The following VSTM2L variants were observed in gnomAD, a reference collection of about 807,000 sequenced individuals.
The protein encoded by VSTM2L is V-set and transmembrane domain containing 2 like.
In VSTM2L, 9 loss-of-function variants were observed where a neutral mutation model predicts 19.9. The observed-to-expected ratio is 0.45, with a 90% CI of 0.27 to 0.79. VSTM2L has a LOEUF of 0.79. Among genes scored for constraint, VSTM2L ranks in the 30% least tolerant of loss-of-function variants. The pLI, the probability that VSTM2L is intolerant of heterozygous loss-of-function variation, is 0.15. For synonymous variants in VSTM2L, 127 were observed against 133.8 expected (o/e 0.95, Z 0.35); for missense variants, 286 against 295.5 (o/e 0.97, Z 0.24).
intron 1 of VSTM2L, among the ~76,000 whole-genome samples, chr20:37,927,243 G>A (rs2122961983): frequency 6.6e-6 from 1 of 152,318 alleles, no homozygotes; most frequent in African/African-American, 2.4e-5. Context: ...GGGATTACAG[G>A]CATGAGCCAC....
intron 1 of VSTM2L, among the ~76,000 whole-genome samples, chr20:37,921,718 C>T (rs1600566413): frequency 1.3e-5 from 2 of 151,776 alleles, no homozygotes; most frequent in East Asian, 3.9e-4. Flanking sequence ...GAAGGGAGGG[C>T]CTCACTGAGG....
chr20:37,908,596 T>C (rs949522539), intron 1 of VSTM2L, among the ~76,000 whole-genome samples: 1 of 152,160 alleles, frequency 6.6e-6, no homozygotes, highest in African/African-American at 2.4e-5. Context: ...GTGGATGACT[T>C]GAGCCCAGGA....
At chr20:37,932,678 C>T (rs1228678342) in intron 2 of VSTM2L, among the ~76,000 whole-genome samples, 1 of 152,100 alleles carries the variant, frequency 6.6e-6, no homozygotes, top group East Asian at 1.9e-4. Flanking sequence ...TCGTTTCACT[C>T]ACCTTCTCCC....
At chr20:37,918,206 C>G (rs1423910689) in intron 1 of VSTM2L, among the ~76,000 whole-genome samples, 3 of 152,148 alleles carry the variant, frequency 2.0e-5, no homozygotes, top group Non-Finnish European at 2.9e-5. Context: ...GGAAGCTTTC[C>G]AGGTATGTGG....
chr20:37,905,433 C>A (rs567458523), intron 1 of VSTM2L, among the ~76,000 whole-genome samples: 1 of 152,274 alleles, frequency 6.6e-6, no homozygotes. Context: ...ACAGTCTCTA[C>A]CTGTCCCCTG....
At chr20:37,927,216 C>T (rs1346913034) in intron 1 of VSTM2L, among the ~76,000 whole-genome samples, 2 of 152,224 alleles carry the variant, frequency 1.3e-5, no homozygotes, top group African/African-American at 4.8e-5. Flanking sequence ...CTGCCTGCCT[C>T]GGTCCCCCAA....
intron 1 of VSTM2L, among the ~76,000 whole-genome samples, chr20:37,920,292 C>T (rs1438196420): frequency 6.6e-6 from 1 of 152,204 alleles, no homozygotes; most frequent in Admixed American, 6.5e-5. Flanking sequence ...ATGATCCCTG[C>T]CCAGCAGGAT....
chr20:37,935,850 G>T (rs11905606), intron 3 of VSTM2L, among the ~76,000 whole-genome samples: 1 of 151,176 alleles, frequency 6.6e-6, no homozygotes, highest in South Asian at 2.1e-4. Context: ...ACAGACATAC[G>T]CCCAGGCCAA....
chr20:37,939,790 G>A (rs1450849417), intron 3 of VSTM2L, among the ~76,000 whole-genome samples: 5 of 152,156 alleles, frequency 3.3e-5, no homozygotes, highest in East Asian at 1.9e-4. Context: ...TTGAATGAAC[G>A]GACAAATTTA....
At chr20:37,911,138 G>A (rs2072777145) in intron 1 of VSTM2L, among the ~76,000 whole-genome samples, 1 of 150,938 alleles carries the variant, frequency 6.6e-6, no homozygotes, top group African/African-American at 2.4e-5. Context: ...GGGCATGGTG[G>A]CGGGCACCTG....
chr20:37,938,210 G>A (rs1172725275), intron 3 of VSTM2L, among the ~76,000 whole-genome samples: 2 of 152,182 alleles, frequency 1.3e-5, no homozygotes, highest in Non-Finnish European at 1.5e-5. Flanking sequence ...GGTGTTTAGA[G>A]GAGGTCAGTG....
chr20:37,939,180 G>C (rs1423815492), intron 3 of VSTM2L, among the ~76,000 whole-genome samples: 2 of 152,132 alleles, frequency 1.3e-5, no homozygotes, highest in African/African-American at 4.8e-5. Flanking sequence ...CGAGGCAGGA[G>C]GATTGCTTGA....
At chr20:37,929,333 G>A (rs997263431) in intron 1 of VSTM2L, among the ~76,000 whole-genome samples, 2 of 152,204 alleles carry the variant, frequency 1.3e-5, no homozygotes, top group Non-Finnish European at 1.5e-5. Flanking sequence ...CAGGGAGTCA[G>A]GCAGAGGCCA....
chr20:37,945,288 G>C lies in VSTM2L; in HGVS notation c.*1035G>C, dbSNP rs2073002658. 3.0e-6 allele frequency: 3 copies of C among 985,230 alleles called. No homozygotes were observed. The highest frequency in any genetic ancestry group is 2.3e-4 in the East Asian group (2 of 8,830). The allele number at this position is 985,230 out of a possible 1,614,324, so 61.0% of individuals were successfully genotyped here. A position where few individuals can be genotyped will look rare whatever the true frequency, so the allele number is the denominator to read the frequency against. ...CGAGGGCTTTGCCTAGGGGTGGGTT[G>C]CCCTGTATACATGATCCAGTCTGTG... On this transcript the variant is annotated 3_prime_UTR_variant, in exon 4 of 4. Coordinates refer to ENST00000373461, the MANE Select transcript of VSTM2L (RefSeq NM_080607.3).
At chr20:37,934,388 G>T (rs979086094) in intron 3 of VSTM2L, among the ~76,000 whole-genome samples, 1 of 152,198 alleles carries the variant, frequency 6.6e-6, no homozygotes, top group African/African-American at 2.4e-5. Context: ...GCCATGCAAC[G>T]AGGCAAGGTT....
intron 1 of VSTM2L, among the ~76,000 whole-genome samples, chr20:37,918,619 A>T (rs1320514847): frequency 1.3e-5 from 2 of 152,174 alleles, no homozygotes; most frequent in African/African-American, 4.8e-5. Flanking sequence ...GTAAAAGGGG[A>T]AAGATGCTTT....
In VSTM2L at chr20:37,913,661, G is replaced by A. The variant is rs2072793174; in HGVS notation, c.121+10190G>A. ...AGCAGTCAGGGGAGACTTCCTGGGGGAGGCAGGTTCCTTCTGGGCCTGTAT... is the reference window on the plus strand; with the variant it reads ...AGCAGTCAGGGGAGACTTCCTGGGGAAGGCAGGTTCCTTCTGGGCCTGTAT... On this transcript the variant is annotated intron_variant, in intron 1 of 3. Coordinates refer to ENST00000373461, the MANE Select transcript of VSTM2L (RefSeq NM_080607.3). Among the ~76,000 whole-genome samples the A allele has an allele frequency of 1.3e-5, 2 of 152,352 alleles. 1 individual carries two copies. Among genetic ancestry groups the A allele is most frequent in the South Asian group, 4.1e-4 (2 of 4,828 alleles).
At chr20:37,912,087 A>G (rs2072783085) in intron 1 of VSTM2L, among the ~76,000 whole-genome samples, 3 of 152,126 alleles carry the variant, frequency 2.0e-5, no homozygotes. Flanking sequence ...CCATGCTAGG[A>G]GGCGGGCCCT....
intron 1 of VSTM2L, among the ~76,000 whole-genome samples, chr20:37,908,571 G>A (rs1283515577): frequency 1.3e-5 from 2 of 152,216 alleles, no homozygotes; most frequent in Non-Finnish European, 2.9e-5. Flanking sequence ...CCAGCACTTT[G>A]GGAGGCTGAG....
Sources: allele counts gnomAD v4.1 joint callset (sites outside exome capture counted in the v4.1 genomes callset), GRCh38; gene constraint gnomAD v4.1.1; transcripts MANE v1.5; gene names NCBI Gene and HGNC (gene_info 2026-07-23, HGNC 2026-07-21).